Variants in IRF2 observed in about 807,000 individuals in gnomAD.
The protein encoded by IRF2 is interferon regulatory factor 2.
In IRF2, 15 loss-of-function variants were observed where a neutral mutation model predicts 40.6. The ratio of observed to expected loss-of-function variants is 0.37; its 90% CI spans 0.25 to 0.57. The LOEUF (loss-of-function observed/expected upper bound fraction) is 0.57, where lower values mean the gene tolerates loss of function less well. IRF2 is among the 20% of genes least tolerant of loss of function. IRF2 has a pLI of 0.77. For synonymous variants in IRF2, 151 were observed against 165.5 expected, an observed-to-expected ratio of 0.91 and a Z score of 0.67; for missense variants, 317 against 455.7, an observed-to-expected ratio of 0.70 and a Z score of 2.77.
intron 1 of IRF2, among the ~76,000 whole-genome samples, chr4:184,451,249 G>A (rs1426553942): frequency 1.3e-5 from 2 of 152,104 alleles, no homozygotes; most frequent in Non-Finnish European, 2.9e-5. Context: ...CTACCATAAG[G>A]GCCAAGGTAC....
chr4:184,426,021 A>C (rs2149902922), intron 2 of IRF2, among the ~76,000 whole-genome samples: 1 of 149,020 alleles, frequency 6.7e-6, no homozygotes, highest in East Asian at 2.0e-4. Flanking sequence ...TTTGTTTTTG[A>C]GATGGAGTCT....
chr4:184,445,108 C>G (rs1738454983), intron 1 of IRF2, among the ~76,000 whole-genome samples: 1 of 152,222 alleles, frequency 6.6e-6, no homozygotes, highest in Non-Finnish European at 1.5e-5. Flanking sequence ...TCCCCGTTCA[C>G]TCACCCTTAC....
At chr4:184,440,999 C>T (rs564163761) in intron 1 of IRF2, among the ~76,000 whole-genome samples, 1 of 152,326 alleles carries the variant, frequency 6.6e-6, no homozygotes, top group East Asian at 1.9e-4. Flanking sequence ...CTCGCCATAC[C>T]TTGAAAGATT....
rs909532089 is a variant in IRF2 at position 184,413,102 on chromosome 4, C to A, written c.412-4827G>T. ...TTTAGGCCGCTCTTATCTGCATCCTCCGTACCCTCTTCCACTTTCTGGAGA... is the reference window on the plus strand; with the variant it reads ...TTTAGGCCGCTCTTATCTGCATCCTACGTACCCTCTTCCACTTTCTGGAGA... On this transcript the variant is annotated intron_variant, in intron 5 of 8. Coordinates refer to ENST00000393593, the MANE Select transcript of IRF2 (RefSeq NM_002199.4). The surrounding 1 kb of genome is among the most constrained non-coding windows in gnomAD (Gnocchi z 4.2). Among the ~76,000 whole-genome samples, 2 of 152,236 alleles carry A rather than the reference C, an allele frequency of 1.3e-5. No individual in the cohort carries two copies. The highest frequency in any genetic ancestry group is 4.8e-5 in the African/African-American group (2 of 41,456).
At chr4:184,470,288 T>C (rs1739468947) in intron 1 of IRF2, among the ~76,000 whole-genome samples, 1 of 152,224 alleles carries the variant, frequency 6.6e-6, no homozygotes, top group African/African-American at 2.4e-5. Flanking sequence ...GTAATATATG[T>C]TATAAATATA....
Position 184,408,349 on chromosome 4 carries a change from T to G in IRF2, c.412-74A>C. On this transcript the variant is annotated intron_variant, in intron 5 of 8. Coordinates refer to ENST00000393593, the MANE Select transcript of IRF2 (RefSeq NM_002199.4). The surrounding 1 kb of genome is among the most constrained non-coding windows in gnomAD (Gnocchi z 4.9). ...CCTTCTCTTAGCTGAAATTCTACCCTCTGCCTACTTTCTTTAATGCTAGGG... is the reference window on the plus strand; with the variant it reads ...CCTTCTCTTAGCTGAAATTCTACCCGCTGCCTACTTTCTTTAATGCTAGGG... The G allele has an allele frequency of 1.1e-6, 1 of 915,818 alleles. No individual in the cohort carries two copies. Among genetic ancestry groups the G allele is most frequent in the East Asian group, 2.4e-5 (1 of 41,752 alleles). 56.7% of individuals were successfully genotyped at this position (915,818 alleles called of 1,614,324 possible). A position where few individuals can be genotyped will look rare whatever the true frequency, so the allele number is the denominator to read the frequency against.
chr4:184,419,662 C>T (rs903385986), intron 2 of IRF2, 94 bp from the exon 3 acceptor site: 1 of 810,414 alleles, frequency 1.2e-6, no homozygotes, highest in African/African-American at 1.7e-5. Flanking sequence ...CAGCAAGATT[C>T]CCCAGCAAGC....
intron 5 of IRF2, among the ~76,000 whole-genome samples, chr4:184,414,987 A>T (rs892067799): frequency 1.3e-5 from 2 of 152,226 alleles, no homozygotes; most frequent in African/African-American, 2.4e-5. Context: ...ATACACAATT[A>T]AAAAGTAATA....
chr4:184,419,627 T>C (rs2149900685), intron 2 of IRF2, 59 bp from the exon 3 acceptor site: 4 of 1,175,848 alleles, frequency 3.4e-6, no homozygotes, highest in Non-Finnish European at 3.7e-6. Flanking sequence ...TGGCCCACCA[T>C]TGCAAAAGGT....
intron 2 of IRF2, among the ~76,000 whole-genome samples, chr4:184,421,608 T>C (rs1423882282): frequency 2.0e-5 from 3 of 152,158 alleles, no homozygotes; most frequent in Non-Finnish European, 2.9e-5. Flanking sequence ...AATTTGCTGT[T>C]GCACTTTTTT....
chr4:184,456,927 C>T (rs1171073212), intron 1 of IRF2, among the ~76,000 whole-genome samples: 1 of 152,176 alleles, frequency 6.6e-6, no homozygotes, highest in Non-Finnish European at 1.5e-5. Context: ...ATTTATCGCC[C>T]CAGGGAAGTG....
chr4:184,431,357 G>A (rs918730938), intron 1 of IRF2, among the ~76,000 whole-genome samples: 1 of 152,160 alleles, frequency 6.6e-6, no homozygotes, highest in Non-Finnish European at 1.5e-5. Context: ...TGCCATCTAG[G>A]AACTCCCAAC....
intron 1 of IRF2, among the ~76,000 whole-genome samples, chr4:184,431,382 G>A (rs1452113938): frequency 6.6e-6 from 1 of 152,196 alleles, no homozygotes; most frequent in East Asian, 1.9e-4. Flanking sequence ...CAGGACACTG[G>A]AAAGAAGGGA....
intron 1 of IRF2, among the ~76,000 whole-genome samples, chr4:184,469,050 A>G (rs1402543796): frequency 6.6e-6 from 1 of 152,244 alleles, no homozygotes; most frequent in Middle Eastern, 3.2e-3. Flanking sequence ...TATTTAATAA[A>G]CAAATGAAAT....
chr4:184,389,166 TC>T, intron 8 of IRF2, 100 bp from the exon 9 acceptor site: 1 of 1,181,780 alleles, frequency 8.5e-7, no homozygotes, highest in Non-Finnish European at 1.2e-6. Context: ...ATGCCTGTAA[TC>T]CCAGCACTTT....
At chr4:184,446,485 C>T (rs967624972) in intron 1 of IRF2, among the ~76,000 whole-genome samples, 1 of 152,056 alleles carries the variant, frequency 6.6e-6, no homozygotes, top group African/African-American at 2.4e-5. Context: ...GGTGGGGCAA[C>T]CGTGGGGACA....
chr4:184,390,243 C>A (rs1330024780), intron 8 of IRF2, among the ~76,000 whole-genome samples: 1 of 152,162 alleles, frequency 6.6e-6, no homozygotes, highest in Non-Finnish European at 1.5e-5. Context: ...CACTCGGAAT[C>A]GAGATGGGGC....
At chr4:184,429,152 CT>C in intron 1 of IRF2, 82 bp from the exon 2 acceptor site, 2 of 975,522 alleles carry the variant, frequency 2.1e-6, no homozygotes, top group Non-Finnish European at 1.6e-6. Flanking sequence ...CCCCGCCTGA[CT>C]CTTTCCTTCT....
chr4:184,392,224 C>T (rs1230302795), intron 7 of IRF2, among the ~76,000 whole-genome samples: 1 of 152,214 alleles, frequency 6.6e-6, no homozygotes, highest in Non-Finnish European at 1.5e-5. Context: ...ATTCGTTTTA[C>T]AGACAAGGCC....
Sources: allele counts gnomAD v4.1 joint callset (sites outside exome capture counted in the v4.1 genomes callset), GRCh38; gene constraint gnomAD v4.1.1; non-coding constraint Gnocchi (gnomAD v3.1); transcripts MANE v1.5; gene names NCBI Gene and HGNC (gene_info 2026-07-23, HGNC 2026-07-21).